The following ZNF600 variants were observed in gnomAD, a reference collection of about 807,000 sequenced individuals.
ZNF600 encodes the protein zinc finger protein 600, also known as zinc finger protein KR-ZNF1.
ZNF600 carries 4 observed loss-of-function variants against 7.3 expected under a neutral mutation model. The ratio of observed to expected loss-of-function variants is 0.55; its 90% CI spans 0.27 to 1.25. ZNF600 has a LOEUF of 1.25. ZNF600 is among the 50% of genes most tolerant of loss of function. The probability of loss-of-function intolerance (pLI) is 0.12; values close to 1 mark genes in which losing one functional copy is unlikely to be tolerated. For missense variants in ZNF600, 911 were observed against 922.1 expected (o/e 0.99, Z 0.16); for synonymous variants, 290 against 308.9 (o/e 0.94, Z 0.64).
chr19:52,772,729 G>A (rs777709840), intron 3 of ZNF600, among the ~76,000 whole-genome samples: 3 of 152,182 alleles, frequency 2.0e-5, no homozygotes, highest in Admixed American at 1.3e-4. Flanking sequence ...GTAAGTGAGG[G>A]ACAAGACTTG....
chr19:52,804,822 A>G, the ZNF600 span, among the ~76,000 whole-genome samples: 3 of 152,210 alleles, frequency 2.0e-5, no homozygotes, highest in African/African-American at 7.2e-5. Context: ...GCTATTTCTA[A>G]CAGGACAGTG....
the ZNF600 span, among the ~76,000 whole-genome samples, chr19:52,825,328 C>G: frequency 6.6e-6 from 1 of 152,104 alleles, no homozygotes; most frequent in Non-Finnish European, 1.5e-5. Flanking sequence ...ATCTTGCTTC[C>G]TACCTTGAAA....
intron 2 of ZNF600, among the ~76,000 whole-genome samples, chr19:52,775,640 G>C (rs2062668778): frequency 6.6e-6 from 1 of 152,170 alleles, no homozygotes; most frequent in Non-Finnish European, 1.5e-5. Context: ...TAAGTCTCTA[G>C]ATGAGCTAAG....
chr19:52,813,421 C>CTGGGTTGAGA, the ZNF600 span, among the ~76,000 whole-genome samples: 1,527 of 148,310 alleles, frequency 0.01, 104 homozygotes, highest in African/African-American at 0.021. Context: ...GCAAGCTGCT[C>CTGGGTTGAGA]CCCGTGTTTC....
At chr19:52,764,591 C>T (rs1454983714) in exon 4 of ZNF600, 1 of 150,204 alleles carries the variant, frequency 6.7e-6, no homozygotes, top group Non-Finnish European at 1.5e-5. Flanking sequence ...GATGTTGGCT[C>T]CCTGCAAGCT....
chr19:52,803,372 A>T, the ZNF600 span, among the ~76,000 whole-genome samples: 1 of 152,128 alleles, frequency 6.6e-6, no homozygotes, highest in African/African-American at 2.4e-5. Context: ...GAGCCACTGC[A>T]CCCTGTGGCA....
the ZNF600 span, among the ~76,000 whole-genome samples, chr19:52,821,087 G>A: frequency 6.6e-6 from 1 of 152,122 alleles, no homozygotes; most frequent in Admixed American, 6.5e-5. Context: ...TGACTGCGGA[G>A]GGGAGATCTG....
chr19:52,793,764 C>CCACACA, the ZNF600 span, among the ~76,000 whole-genome samples: 116 of 138,818 alleles, frequency 8.4e-4, 1 homozygote, highest in South Asian at 7.1e-4. Context: ...CCAAACTCTG[C>CCACACA]CACACACACA....
At chr19:52,830,373 C>T in the ZNF600 span, among the ~76,000 whole-genome samples, 24 of 152,038 alleles carry the variant, frequency 1.6e-4, no homozygotes, top group Non-Finnish European at 2.9e-4. Flanking sequence ...GTACATGACC[C>T]CAATTTGCAC....
the ZNF600 span, among the ~76,000 whole-genome samples, chr19:52,823,584 G>T: frequency 1.3e-5 from 2 of 152,122 alleles, no homozygotes; most frequent in Non-Finnish European, 1.5e-5. Context: ...TCCTCTCAAA[G>T]CTCAGAATTA....
chr19:52,796,791 C>T, the ZNF600 span, among the ~76,000 whole-genome samples: 1 of 152,146 alleles, frequency 6.6e-6, no homozygotes, highest in Non-Finnish European at 1.5e-5. Flanking sequence ...GATATTTCTT[C>T]TTGTTTCAAT....
chr19:52,830,863 G>T, the ZNF600 span, among the ~76,000 whole-genome samples: 1 of 142,588 alleles, frequency 7.0e-6, no homozygotes, highest in Non-Finnish European at 1.5e-5. Context: ...TGAACTTTGT[G>T]CATGCACATC....
chr19:52,807,937 T>C, the ZNF600 span: 10 of 1,605,274 alleles, frequency 6.2e-6, no homozygotes, highest in Non-Finnish European at 7.7e-6. Flanking sequence ...AGTAAGGATG[T>C]GGCTCCCAAG....
At chr19:52,782,939 C>A (rs2062734845) in intron 1 of ZNF600, among the ~76,000 whole-genome samples, 1 of 95,326 alleles carries the variant, frequency 1.0e-5, no homozygotes, top group South Asian at 2.5e-4. Context: ...AAGAGAGGAA[C>A]TAGAAAAAAA....
At chr19:52,787,628 G>T (rs1427973692), upstream of ZNF600, among the ~76,000 whole-genome samples, 1 of 151,284 alleles carries the variant, frequency 6.6e-6, no homozygotes, top group Non-Finnish European at 1.5e-5. Context: ...GGAGGCTGAG[G>T]CGGGCAGATC....
chr19:52,765,405 C>T, exon 4 of ZNF600: 1 of 1,003,514 alleles, frequency 1.0e-6, no homozygotes, highest in Non-Finnish European at 1.6e-6. Flanking sequence ...GAAGACCTTG[C>T]CACAGTCATG....
At chr19:52,807,960 A>T in the ZNF600 span, 1 of 1,610,466 alleles carries the variant, frequency 6.2e-7, no homozygotes, top group Non-Finnish European at 8.5e-7. Flanking sequence ...GCAACAAGAG[A>T]AAATACAAAG....
chr19:52,776,024 A>T (rs888970626), intron 2 of ZNF600, among the ~76,000 whole-genome samples: 2 of 149,932 alleles, frequency 1.3e-5, no homozygotes. Flanking sequence ...AAAACCAAAA[A>T]CCAAAAACTG....
the ZNF600 span, among the ~76,000 whole-genome samples, chr19:52,809,103 G>A: frequency 6.6e-6 from 1 of 152,282 alleles, no homozygotes; most frequent in East Asian, 1.9e-4. Context: ...TAACTGAAGA[G>A]GAATCTCATC....
Sources: allele counts gnomAD v4.1 joint callset (sites outside exome capture counted in the v4.1 genomes callset), GRCh38; gene constraint gnomAD v4.1.1; transcripts MANE v1.5; gene names NCBI Gene and HGNC (gene_info 2026-07-23, HGNC 2026-07-21).